The following PCDH9 variants were observed in gnomAD, a reference collection of about 807,000 sequenced individuals.
PCDH9 encodes protocadherin 9, also known as protocadherin-9.
A neutral mutation model predicts 70.6 loss-of-function variants in PCDH9; 24 were observed. The ratio of observed to expected loss-of-function variants is 0.34; its 90% CI spans 0.25 to 0.48. PCDH9 has a LOEUF of 0.48. Among genes scored for constraint, PCDH9 ranks in the 20% least tolerant of loss-of-function variants. The pLI is 0.99. For synonymous variants in PCDH9, 562 were observed against 558.5 expected, an observed-to-expected ratio of 1.01 and a Z score of -0.09; for missense variants, 1,281 against 1,503.6, an observed-to-expected ratio of 0.85 and a Z score of 2.45.
chr13:66,551,700 T>C (rs1961496638), intron 4 of PCDH9, among the ~76,000 whole-genome samples: 1 of 152,160 alleles, frequency 6.6e-6, no homozygotes, highest in Non-Finnish European at 1.5e-5. Context: ...TACCAAATTT[T>C]GGTAAATTCA....
chr13:66,599,577 T>A (rs2077141740), intron 4 of PCDH9, among the ~76,000 whole-genome samples: 1 of 151,630 alleles, frequency 6.6e-6, no homozygotes, highest in Non-Finnish European at 1.5e-5. Flanking sequence ...GAGAGGGTTT[T>A]ACTCTCTCAC....
intron 2 of PCDH9, among the ~76,000 whole-genome samples, chr13:66,960,112 T>C (rs73211112): frequency 3.1e-4 from 47 of 152,310 alleles, no homozygotes; most frequent in Non-Finnish European, 6.5e-4. Flanking sequence ...GATCCGTTTT[T>C]AAATTTTTGT....
At chr13:66,959,730 A>T (rs991928692) in intron 2 of PCDH9, among the ~76,000 whole-genome samples, 6 of 149,652 alleles carry the variant, frequency 4.0e-5, no homozygotes, top group Non-Finnish European at 8.9e-5. Context: ...CACCCTGGGC[A>T]ACAGAGTGAG....
intron 4 of PCDH9, among the ~76,000 whole-genome samples, chr13:66,409,298 A>G (rs1259199268): frequency 1.3e-5 from 2 of 152,224 alleles, no homozygotes; most frequent in Admixed American, 1.3e-4. Flanking sequence ...TGGTCATTTA[A>G]ACATGATTTC....
chr13:66,439,333 T>C (rs1490243078), intron 4 of PCDH9, among the ~76,000 whole-genome samples: 1 of 152,174 alleles, frequency 6.6e-6, no homozygotes, highest in African/African-American at 2.4e-5. Context: ...AACAAGACAA[T>C]GGTTTTTTTT....
At chr13:66,708,402 A>ATT (rs2078744781) in intron 3 of PCDH9, among the ~76,000 whole-genome samples, 1 of 88,370 alleles carries the variant, frequency 1.1e-5, no homozygotes, top group Non-Finnish European at 2.4e-5. Flanking sequence ...TTTGAGATTT[A>ATT]GTTTTTTTTT....
intron 4 of PCDH9, among the ~76,000 whole-genome samples, chr13:66,478,946 T>C (rs530213820): frequency 6.6e-6 from 1 of 152,300 alleles, no homozygotes; most frequent in South Asian, 2.1e-4. Context: ...AGAACTTGTA[T>C]AGTTAGAAAG....
intron 2 of PCDH9, among the ~76,000 whole-genome samples, chr13:66,975,455 A>C (rs2139756672): frequency 6.6e-6 from 1 of 152,176 alleles, no homozygotes; most frequent in East Asian, 1.9e-4. Flanking sequence ...CTAGGTAGAT[A>C]GTTATTATTG....
intron 3 of PCDH9, among the ~76,000 whole-genome samples, chr13:66,813,961 A>G (rs2197113): frequency 0.96 from 146,484 of 152,244 alleles, 70,722 homozygotes; most frequent in East Asian, 1. Flanking sequence ...AGTACAGCAA[A>G]TGACACACAA....
At chr13:66,892,478 A>G (rs907504363) in intron 3 of PCDH9, among the ~76,000 whole-genome samples, 3 of 151,958 alleles carry the variant, frequency 2.0e-5, no homozygotes, top group Admixed American at 6.6e-5. Context: ...TTCACTATAG[A>G]GCAGTATTTG....
chr13:66,346,351 A>G (rs1210950296), intron 4 of PCDH9, among the ~76,000 whole-genome samples: 9 of 152,230 alleles, frequency 5.9e-5, no homozygotes, highest in Non-Finnish European at 4.4e-5. Flanking sequence ...ATTCTTGACT[A>G]GGAATTTGTG....
intron 4 of PCDH9, among the ~76,000 whole-genome samples, chr13:66,385,868 T>C (rs1313076245): frequency 6.6e-6 from 1 of 152,110 alleles, no homozygotes; most frequent in East Asian, 1.9e-4. Context: ...TGGGGAATAA[T>C]ATGTCAATCT....
chr13:66,937,489 A>G (rs2082936015), intron 2 of PCDH9, among the ~76,000 whole-genome samples: 1 of 152,214 alleles, frequency 6.6e-6, no homozygotes, highest in African/African-American at 2.4e-5. Context: ...TTTGTTTCTA[A>G]GCTCCACAAG....
chr13:66,918,224 G>C (rs1215719347), intron 2 of PCDH9, among the ~76,000 whole-genome samples: 1 of 151,096 alleles, frequency 6.6e-6, no homozygotes, highest in Non-Finnish European at 1.5e-5. Flanking sequence ...AAGAGAGAGG[G>C]GAGAGGAAGA....
At chr13:66,870,175 G>A (rs1319115296) in intron 3 of PCDH9, among the ~76,000 whole-genome samples, 2 of 152,006 alleles carry the variant, frequency 1.3e-5, no homozygotes, top group African/African-American at 4.8e-5. Context: ...TTTATTAAAT[G>A]GGGAATCCTT....
At chr13:66,504,452 G>A (rs961865787) in intron 4 of PCDH9, among the ~76,000 whole-genome samples, 1 of 152,124 alleles carries the variant, frequency 6.6e-6, no homozygotes, top group Non-Finnish European at 1.5e-5. Context: ...AAGTTCAGGT[G>A]GATTCCAGCT....
chr13:66,649,901 C>T (rs2077826103), intron 3 of PCDH9, among the ~76,000 whole-genome samples: 1 of 151,494 alleles, frequency 6.6e-6, no homozygotes, highest in Admixed American at 6.6e-5. Flanking sequence ...TGTTAGTTAT[C>T]ATTATTTTAC....
intron 2 of PCDH9, among the ~76,000 whole-genome samples, chr13:66,924,063 C>T (rs938357513): frequency 1.3e-5 from 2 of 151,694 alleles, no homozygotes; most frequent in Admixed American, 6.6e-5. Flanking sequence ...AAGCAAGAAG[C>T]ATGAGGGCCA....
At chr13:66,355,953 T>A (rs1214523581) in intron 4 of PCDH9, among the ~76,000 whole-genome samples, 1 of 152,124 alleles carries the variant, frequency 6.6e-6, no homozygotes, top group Non-Finnish European at 1.5e-5. Context: ...CCTTTAGGTG[T>A]CTACCCCAAA....
Sources: allele counts gnomAD v4.1 joint callset (sites outside exome capture counted in the v4.1 genomes callset), GRCh38; gene constraint gnomAD v4.1.1; transcripts MANE v1.5; gene names NCBI Gene and HGNC (gene_info 2026-07-23, HGNC 2026-07-21).